Variants in EPB41L2 observed in about 807,000 individuals in gnomAD.
The protein encoded by EPB41L2 is band 4.1-like protein 2.
In EPB41L2, 43 loss-of-function variants were observed where a neutral mutation model predicts 113.0. That is an observed-to-expected ratio of 0.38 (90% CI 0.30 to 0.49). The LOEUF (loss-of-function observed/expected upper bound fraction) is 0.49. EPB41L2 is among the 20% of genes least tolerant of loss of function. The pLI is 0.95. For missense variants in EPB41L2, 1,147 were observed against 1,223.4 expected (o/e 0.94, Z 0.93); for synonymous variants, 442 against 436.7 (o/e 1.01, Z -0.15).
At chr6:130,951,306 T>A (rs1299199501) in intron 3 of EPB41L2, among the ~76,000 whole-genome samples, 2 of 127,030 alleles carry the variant, frequency 1.6e-5, no homozygotes, top group African/African-American at 6.0e-5. Context: ...ATGCTCAGCC[T>A]CAGTACTTTT....
chr6:130,910,342 C>A (rs1276439906), intron 4 of EPB41L2, among the ~76,000 whole-genome samples: 1 of 152,152 alleles, frequency 6.6e-6, no homozygotes, highest in African/African-American at 2.4e-5. Context: ...AAAACTGAAA[C>A]TGGACTCCTT....
At position 130,904,374 on chromosome 6, in the gene EPB41L2, T is replaced by C. The variant is rs1371084388; in HGVS notation, c.929+91A>G. ...AACTTAAGAAAAACTGTTTTGGTTT[T>C]CAATCCTGAAATTACCACTATGCTC... On this transcript the variant is annotated intron_variant, in intron 6 of 19. Transcript: ENST00000337057. 10 of 825,406 alleles carry C rather than the reference T, an allele frequency of 1.2e-5. No individual in the cohort carries two copies. In the Admixed American group the frequency reaches 2.8e-4, roughly 23 times the overall value. The allele number at this position is 825,406 out of a possible 1,614,324, so 51.1% of individuals were successfully genotyped here.
chr6:130,957,006 T>C (rs1184483358), intron 1 of EPB41L2, among the ~76,000 whole-genome samples: 1 of 152,210 alleles, frequency 6.6e-6, no homozygotes, highest in Non-Finnish European at 1.5e-5. Flanking sequence ...AAAACAGTTT[T>C]AAGTGTATGG....
chr6:130,948,846 CAT>C (rs1347413755), intron 3 of EPB41L2, among the ~76,000 whole-genome samples: 2 of 152,300 alleles, frequency 1.3e-5, no homozygotes, highest in East Asian at 1.9e-4. Flanking sequence ...TAATTCTGCA[CAT>C]GTGTGCATCT....
chr6:130,922,462 C>A (rs73617157), intron 4 of EPB41L2, among the ~76,000 whole-genome samples: 2,488 of 152,302 alleles, frequency 0.016, 78 homozygotes, highest in African/African-American at 0.056. Flanking sequence ...AGAAGGTTTA[C>A]AACTGTTGGC....
chr6:130,935,385 G>A (rs1808444725), intron 3 of EPB41L2, among the ~76,000 whole-genome samples: 1 of 152,170 alleles, frequency 6.6e-6, no homozygotes, highest in African/African-American at 2.4e-5. Context: ...TCAAGTCTAA[G>A]AGCAGTATTC....
chr6:131,018,269 A>T (rs1788689591), intron 1 of EPB41L2, among the ~76,000 whole-genome samples: 1 of 152,104 alleles, frequency 6.6e-6, no homozygotes, highest in African/African-American at 2.4e-5. Context: ...TGTCCACTTC[A>T]AGGGTGGGGG....
At chr6:130,985,187 T>C (rs1210028678) in intron 1 of EPB41L2, among the ~76,000 whole-genome samples, 1 of 152,218 alleles carries the variant, frequency 6.6e-6, no homozygotes, top group Non-Finnish European at 1.5e-5. Flanking sequence ...TGACTGATTC[T>C]TTCTGAATAA....
intron 1 of EPB41L2, among the ~76,000 whole-genome samples, chr6:131,061,190 C>T (rs1325429109): frequency 6.6e-6 from 1 of 152,130 alleles, no homozygotes; most frequent in African/African-American, 2.4e-5. Context: ...CGTCCCTTCC[C>T]GTTACTCTAA....
At chr6:131,052,209 T>C (rs796311863) in intron 1 of EPB41L2, among the ~76,000 whole-genome samples, 1 of 152,158 alleles carries the variant, frequency 6.6e-6, no homozygotes, top group South Asian at 2.1e-4. Context: ...AGTGCTAAGA[T>C]TACAGGCATG....
chr6:130,929,637 A>T (rs1274494813), intron 3 of EPB41L2, among the ~76,000 whole-genome samples: 1 of 152,172 alleles, frequency 6.6e-6, no homozygotes, highest in Admixed American at 6.5e-5. Context: ...CAACTGGCAG[A>T]GAAAGAGAAT....
At chr6:130,933,307 T>A (rs1807548627) in intron 3 of EPB41L2, among the ~76,000 whole-genome samples, 1 of 152,196 alleles carries the variant, frequency 6.6e-6, no homozygotes, top group Non-Finnish European at 1.5e-5. Flanking sequence ...ATCAAGTTTA[T>A]TAAACAATAA....
intron 1 of EPB41L2, among the ~76,000 whole-genome samples, chr6:131,054,440 G>T (rs917059400): frequency 3.9e-5 from 6 of 152,152 alleles, no homozygotes; most frequent in Admixed American, 1.3e-4. Context: ...GTCTGTCCCT[G>T]TCTGTCTCTA....
At chr6:131,022,638 G>T (rs1789773978) in intron 1 of EPB41L2, among the ~76,000 whole-genome samples, 1 of 152,148 alleles carries the variant, frequency 6.6e-6, no homozygotes, top group African/African-American at 2.4e-5. Context: ...AATTAAGTGT[G>T]GGGTTCAAAT....
At chr6:130,887,545 C>T (rs1562396033) in intron 11 of EPB41L2, among the ~76,000 whole-genome samples, 2 of 152,222 alleles carry the variant, frequency 1.3e-5, no homozygotes, top group South Asian at 4.1e-4. Context: ...TGATCTGACC[C>T]AGGCTTACCT....
At chr6:130,996,862 C>A (rs981687132) in intron 1 of EPB41L2, among the ~76,000 whole-genome samples, 4 of 152,098 alleles carry the variant, frequency 2.6e-5, no homozygotes, top group Non-Finnish European at 5.9e-5. Flanking sequence ...GTTTTCTGCA[C>A]TGAACATGTG....
chr6:130,848,521 C>A (rs1197511698), intron 19 of EPB41L2, among the ~76,000 whole-genome samples: 16 of 152,048 alleles, frequency 1.1e-4, no homozygotes, highest in African/African-American at 3.9e-4. Context: ...TGTCTGAAAT[C>A]CAGTAAATAT....
chr6:131,054,069 C>T (rs1429385097), intron 1 of EPB41L2, among the ~76,000 whole-genome samples: 1 of 152,186 alleles, frequency 6.6e-6, no homozygotes, highest in South Asian at 2.1e-4. Flanking sequence ...TGACTCCGGT[C>T]GGTCCTCATT....
intron 3 of EPB41L2, among the ~76,000 whole-genome samples, chr6:130,940,616 C>CT (rs936118619): frequency 6.6e-6 from 1 of 152,118 alleles, no homozygotes; most frequent in Admixed American, 6.5e-5. Flanking sequence ...CAGGTGCCCC[C>CT]TCACCATGCT....
Sources: allele counts gnomAD v4.1 joint callset (sites outside exome capture counted in the v4.1 genomes callset), GRCh38; gene constraint gnomAD v4.1.1; transcripts MANE v1.5; gene names NCBI Gene and HGNC (gene_info 2026-07-23, HGNC 2026-07-21).